Variants in ARHGEF3 observed in about 807,000 individuals in gnomAD.
ARHGEF3 encodes the protein Rho guanine nucleotide exchange factor 3, also known as 59.8 kDA protein.
In ARHGEF3, 28 loss-of-function variants were observed where a neutral mutation model predicts 63.2. The observed-to-expected ratio is 0.44, with a 90% CI of 0.33 to 0.61. ARHGEF3 has a LOEUF of 0.61. Among genes scored for constraint, ARHGEF3 ranks in the 20% least tolerant of loss-of-function variants. ARHGEF3 has a pLI of 0.03. For missense variants in ARHGEF3, 533 were observed against 659.3 expected (o/e 0.81, Z 2.10); for synonymous variants, 266 against 254.2 (o/e 1.05, Z -0.44).
chr3:56,850,960 A>T (rs1314987539), intron 4 of ARHGEF3, among the ~76,000 whole-genome samples: 1 of 152,176 alleles, frequency 6.6e-6, no homozygotes, highest in East Asian at 1.9e-4. Flanking sequence ...CACTTGATGA[A>T]GTCATGTAGC....
At chr3:56,847,308 T>A (rs1442010453) in intron 4 of ARHGEF3, among the ~76,000 whole-genome samples, 1 of 152,154 alleles carries the variant, frequency 6.6e-6, no homozygotes, top group Non-Finnish European at 1.5e-5. Context: ...GAGGCATAAT[T>A]CTAAGACTCA....
intron 2 of ARHGEF3, among the ~76,000 whole-genome samples, chr3:57,003,389 G>A (rs971024034): frequency 8.3e-5 from 9 of 108,630 alleles, no homozygotes; most frequent in Admixed American, 1.3e-4. Context: ...GCAACGAAGC[G>A]AGACGCCGTC....
chr3:56,729,485 C>T lies in ARHGEF3; in HGVS notation c.1366G>A (p.Gly456Arg), dbSNP rs139172951. 2.4e-5 allele frequency: 39 copies of T among 1,614,008 alleles called. No individual in the cohort carries two copies. In the African/African-American group the frequency reaches 3.9e-4, roughly 16 times the overall value. Residue 456 changes from glycine to arginine, a missense_variant, in exon 10 of 10, where the codon GGG becomes AGG. This residue lies in a region of ARHGEF3 where 115 missense variants were observed against 103.4 expected (regional missense o/e 1.11). Coordinates refer to ENST00000296315, the MANE Select transcript of ARHGEF3 (RefSeq NM_019555.3). ...TCGGAGTCAAGCACCCCAGCTTGCC[C>T]GGCAGCACACAAAACTGTTTCTTTG... The part of the protein sequence containing the change: ...QAKETVLCAA[G>R]QAGVLDSEGS...
Position 56,729,208 on chromosome 3 carries a change from G to A in ARHGEF3, c.*62C>T, listed in dbSNP as rs961086202. The A allele has an allele frequency of 8.3e-6, 12 of 1,443,634 alleles. No homozygotes were observed. The African/African-American group carries it at 1.3e-4, about 15-fold the overall frequency. 89.4% of individuals were successfully genotyped at this position (1,443,634 alleles called of 1,614,324 possible). On this transcript the variant is annotated 3_prime_UTR_variant, in exon 10 of 10. Transcript: ENST00000296315. ...AGTGCTTCTCCAAACCGTTCCATCTGTGGAATGCAAATACTGTACAGGTAA... is the reference window on the plus strand; with the variant it reads ...AGTGCTTCTCCAAACCGTTCCATCTATGGAATGCAAATACTGTACAGGTAA...
At chr3:56,871,877 G>A (rs745633406) in intron 4 of ARHGEF3, among the ~76,000 whole-genome samples, 1 of 152,148 alleles carries the variant, frequency 6.6e-6, no homozygotes. Context: ...TTTCTTTCCA[G>A]TATGAATGGA....
chr3:56,891,592 C>G (rs1425633805), intron 3 of ARHGEF3, among the ~76,000 whole-genome samples: 2 of 152,104 alleles, frequency 1.3e-5, no homozygotes, highest in Non-Finnish European at 2.9e-5. Context: ...GAGTTTACAT[C>G]TTAGTTAAGC....
At chr3:57,015,574 C>T (rs1444733062) in intron 2 of ARHGEF3, among the ~76,000 whole-genome samples, 1 of 151,006 alleles carries the variant, frequency 6.6e-6, no homozygotes, top group African/African-American at 2.4e-5. Flanking sequence ...GGTAGGACTG[C>T]AGGCGGACAC....
At chr3:57,037,335 C>T (rs543170477) in intron 1 of ARHGEF3, among the ~76,000 whole-genome samples, 3 of 152,274 alleles carry the variant, frequency 2.0e-5, no homozygotes, top group South Asian at 2.1e-4. Context: ...TACCTCATTT[C>T]GGCCTAGAAA....
intron 2 of ARHGEF3, among the ~76,000 whole-genome samples, chr3:56,972,554 AG>A (rs1700959747): frequency 6.6e-6 from 1 of 151,918 alleles, no homozygotes; most frequent in African/African-American, 2.4e-5. Context: ...GGGTGGTGGG[AG>A]TAGCTGATAT....
At chr3:56,968,287 A>AATAAATATATATTTT (rs1700741397) in intron 2 of ARHGEF3, among the ~76,000 whole-genome samples, 2 of 35,506 alleles carry the variant, frequency 5.6e-5, no homozygotes, top group Non-Finnish European at 1.1e-4. Flanking sequence ...AAATATATAT[A>AATAAATATATATTTT]ATATATATAA....
At chr3:56,797,433 G>A (rs1347148102) in intron 1 of ARHGEF3, among the ~76,000 whole-genome samples, 27 of 152,122 alleles carry the variant, frequency 1.8e-4, no homozygotes, top group Admixed American at 1.7e-3. Context: ...GGGTAGCTCC[G>A]TGTGGCTTCC....
intron 2 of ARHGEF3, among the ~76,000 whole-genome samples, chr3:56,967,773 T>A (rs1284195438): frequency 1.5e-5 from 1 of 66,696 alleles, no homozygotes; most frequent in Admixed American, 3.3e-4. Context: ...ATATAATATA[T>A]TATATTATAT....
At chr3:56,915,735 C>G (rs2041971131) in intron 3 of ARHGEF3, among the ~76,000 whole-genome samples, 1 of 152,096 alleles carries the variant, frequency 6.6e-6, no homozygotes. Context: ...TAAACAGACT[C>G]AAAACACCAG....
chr3:56,803,967 C>T (rs1309110449), upstream of ARHGEF3, among the ~76,000 whole-genome samples: 1 of 151,206 alleles, frequency 6.6e-6, no homozygotes, highest in Non-Finnish European at 1.5e-5. Flanking sequence ...TCACTGCAAC[C>T]TTCTCCTCCT....
chr3:56,771,694 C>T lies in ARHGEF3; in HGVS notation c.204+2015G>A, dbSNP rs561437509. 1.3e-4 allele frequency among the ~76,000 whole-genome samples: 20 copies of T among 152,222 alleles called. 1 individual carries two copies. The South Asian group carries it at 3.7e-3, about 28-fold the overall frequency. On this transcript the variant is annotated intron_variant, in intron 2 of 9. Transcript: ENST00000296315. The stretch of plus-strand genomic sequence containing the variant: ...ATATGAGGGCAAGAAGAGCCTAATG[C>T]CTGATGAGGATTCACTCAACACTGA...
chr3:56,935,249 T>G (rs2042528994), intron 3 of ARHGEF3, among the ~76,000 whole-genome samples: 1 of 152,178 alleles, frequency 6.6e-6, no homozygotes, highest in African/African-American at 2.4e-5. Context: ...GTCCACACTC[T>G]GTATCTAACT....
intron 2 of ARHGEF3, among the ~76,000 whole-genome samples, chr3:56,758,284 GAA>G (rs1176698699): frequency 1.5e-5 from 2 of 137,452 alleles, no homozygotes. Flanking sequence ...CCCTCTAAAG[GAA>G]AAAAAAAAAA....
chr3:57,007,654 G>A lies in ARHGEF3; in HGVS notation c.62+27434C>T, dbSNP rs373335231. On this transcript the variant is annotated intron_variant, in intron 2 of 12. Transcript: ENST00000338458. Reference sequence around the variant, plus strand: ...AGCCGACCAGGGACGGGTGAGTTCCGGGAACTCTGCTGCTCATGAGTCACC... The same window carrying A: ...AGCCGACCAGGGACGGGTGAGTTCCAGGAACTCTGCTGCTCATGAGTCACC... Among the ~76,000 whole-genome samples, 8 of 152,186 alleles carry A rather than the reference G, an allele frequency of 5.3e-5. No individual in the cohort carries two copies. In the East Asian group the frequency reaches 5.8e-4, roughly 11 times the overall value.
chr3:56,754,868 GC>G, intron 3 of ARHGEF3, 112 bp downstream of exon 3: 1 of 1,393,708 alleles, frequency 7.2e-7, no homozygotes, highest in Non-Finnish European at 9.9e-7. Context: ...TTATCCTTCT[GC>G]AAACGCAATG....
Sources: gnomAD v4.1 joint callset for allele counts (sites outside exome capture counted in the v4.1 genomes callset) on GRCh38, gnomAD v4.1.1 for gene constraint, gnomAD v4.1.1 regional missense constraint, MANE v1.5 for transcripts, NCBI Gene and HGNC (gene_info 2026-07-23, HGNC 2026-07-21) for gene names.